The following MSANTD3 variants were observed in gnomAD, a reference collection of about 807,000 sequenced individuals.
MSANTD3 encodes the protein Myb/SANT DNA binding domain containing 3.
Under a neutral mutation model 27.7 loss-of-function variants are expected in MSANTD3, and 11 were observed. The observed-to-expected ratio is 0.40, with a 90% CI of 0.25 to 0.66. The LOEUF is 0.66. MSANTD3 is among the 30% of genes least tolerant of loss of function. MSANTD3 has a pLI of 0.41. For missense variants in MSANTD3, 250 were observed against 336.5 expected (o/e 0.74, Z 2.01); for synonymous variants, 131 against 127.2 (o/e 1.03, Z -0.20).
intron 1 of MSANTD3, among the ~76,000 whole-genome samples, chr9:100,427,913 G>A (rs1177803969): frequency 1.3e-5 from 2 of 152,018 alleles, no homozygotes; most frequent in Admixed American, 6.5e-5. Context: ...ACTCCGAGCC[G>A]GGGCTACTGT....
chr9:100,439,434 T>A (rs1001893581), intron 1 of MSANTD3, among the ~76,000 whole-genome samples: 3 of 152,220 alleles, frequency 2.0e-5, no homozygotes, highest in African/African-American at 7.2e-5. Flanking sequence ...AATCCTTGTG[T>A]ACATATGACC....
intron 2 of MSANTD3, among the ~76,000 whole-genome samples, chr9:100,449,686 G>A (rs1166181658): frequency 6.6e-6 from 1 of 152,158 alleles, no homozygotes; most frequent in Non-Finnish European, 1.5e-5. Context: ...AGTCAGACAA[G>A]AAAGAAAGGA....
chr9:100,429,199 G>T (rs144846828), intron 1 of MSANTD3, among the ~76,000 whole-genome samples: 2 of 152,204 alleles, frequency 1.3e-5, no homozygotes, highest in Admixed American at 1.3e-4. Flanking sequence ...GCAGAGAGTA[G>T]GTGGGTACGT....
In MSANTD3 at chr9:100,451,242, GTGT is replaced by G. The variant is rs368450083; in HGVS notation, c.*290_*292del. 1,548 of 316,318 alleles carry G rather than the reference GTGT, an allele frequency of 4.9e-3. 4 individuals are homozygous for G. Among genetic ancestry groups the G allele is most frequent in the Admixed American group, 8.7e-3 (194 of 22,318 alleles). 19.6% of individuals were successfully genotyped at this position (316,318 alleles called of 1,614,324 possible). On this transcript the variant is annotated 3_prime_UTR_variant, in exon 3 of 3. Transcript: ENST00000395067. ...GAATTCATACAAGAACCACGTGTGAGTGTTGTTGTTGTTGTTTTTTTTTTTAAT... is the reference window on the plus strand; with the variant it reads ...GAATTCATACAAGAACCACGTGTGAGTGTTGTTGTTGTTTTTTTTTTTAAT...
At chr9:100,442,543 G>A (rs78976536) in intron 2 of MSANTD3, among the ~76,000 whole-genome samples, 187 bp downstream of exon 2, 21,466 of 151,902 alleles carry the variant, frequency 0.14, 1,762 homozygotes, top group Middle Eastern at 0.2. Context: ...GTGGTGGCTC[G>A]TGCCTGTAAT....
Position 100,450,706 on chromosome 9 carries a change from G to A in MSANTD3, c.568G>A (p.Glu190Lys). The change falls in exon 3 of 3, where the codon GAA becomes AAA. Residue 190 changes from glutamate (E) to lysine (K), a missense_variant. Physicochemically the swap from Glu to Lys is moderately conservative, Grantham distance 56 (BLOSUM62 1). Coordinates refer to ENST00000395067, the MANE Select transcript of MSANTD3 (RefSeq NM_080655.3). ...AAACTACAGGAGCAAAACCTCTCAG[G>A]AAGGTGCTTTAAAAAAGATGCATGA... ...NKNYRSKTSQEGALKKMHEEE... is the reference protein window; with the variant it reads ...NKNYRSKTSQKGALKKMHEEE... The A allele has an allele frequency of 6.2e-7, 1 of 1,614,128 alleles. No individual in the cohort carries two copies. The highest frequency in any genetic ancestry group is 8.5e-7 in the Non-Finnish European group (1 of 1,180,024).
chr9:100,450,864 A>G lies in MSANTD3; in HGVS notation c.726A>G (p.Glu242=). Residue 242 remains glutamate (E), a synonymous_variant, in exon 3 of 3, where the codon GAA becomes GAG. Coordinates refer to ENST00000395067, the MANE Select transcript of MSANTD3 (RefSeq NM_080655.3). ...MAEEEHRIKM[E]VLNKKKMYWE... is the part of the protein sequence containing the mutation. The stretch of plus-strand genomic sequence containing the variant: ...AGGAGGAACACAGGATAAAAATGGA[A>G]GTTCTCAATAAAAAGAAGATGTATT... 6.2e-7 allele frequency: 1 copy of G among 1,614,136 alleles called. No homozygotes were observed. Among genetic ancestry groups the G allele is most frequent in the Non-Finnish European group, 8.5e-7 (1 of 1,180,020 alleles).
At chr9:100,450,407 G>A (rs1329294739) in intron 2 of MSANTD3, 150 bp from the exon 3 acceptor site, 1 of 592,004 alleles carries the variant, frequency 1.7e-6, no homozygotes, top group East Asian at 3.2e-5. Flanking sequence ...GTCAGGTGTG[G>A]CTAGGGTCCC....
chr9:100,450,806 T>C lies in MSANTD3; in HGVS notation c.668T>C (p.Ile223Thr). 6.2e-7 allele frequency: 1 copy of C among 1,613,990 alleles called. No homozygotes were observed. The highest frequency in any genetic ancestry group is 2.2e-5 in the East Asian group (1 of 44,868). Residue 223 changes from isoleucine (I) to threonine (T), a missense_variant, in exon 3 of 3, where the codon ATC becomes ACC. Transcript: ENST00000395067. Reference sequence around the variant, plus strand: ...ATGAATGAGGTGCATGTGGCCAAAATCCAGCAGATAGAGCGAGAGTGTGAG... The same window carrying C: ...ATGAATGAGGTGCATGTGGCCAAAACCCAGCAGATAGAGCGAGAGTGTGAG... ...IQMNEVHVAK[I>T]QQIERECEMA...
chr9:100,436,096 CA>C (rs1256021756), intron 1 of MSANTD3, among the ~76,000 whole-genome samples: 2 of 152,160 alleles, frequency 1.3e-5, no homozygotes, highest in Non-Finnish European at 2.9e-5. Flanking sequence ...ACTTCTGTTG[CA>C]TCTGGATTTT....
At chr9:100,437,675 C>T (rs1466723191) in intron 1 of MSANTD3, among the ~76,000 whole-genome samples, 2 of 152,164 alleles carry the variant, frequency 1.3e-5, no homozygotes, top group Non-Finnish European at 2.9e-5. Context: ...ATTTACTTAG[C>T]TAGTGATTAA....
intron 1 of MSANTD3, among the ~76,000 whole-genome samples, chr9:100,430,619 G>A (rs975935588): frequency 6.6e-6 from 1 of 152,218 alleles, no homozygotes; most frequent in African/African-American, 2.4e-5. Context: ...TTGTGTGGAA[G>A]AGGGTATGGA....
intron 2 of MSANTD3, among the ~76,000 whole-genome samples, chr9:100,442,693 C>T (rs1836656721): frequency 6.6e-6 from 1 of 151,416 alleles, no homozygotes; most frequent in Non-Finnish European, 1.5e-5. Flanking sequence ...CCTGTAGTTC[C>T]AGCTACTCGG....
chr9:100,434,970 T>C (rs201031415), intron 1 of MSANTD3, among the ~76,000 whole-genome samples: 1 of 150,216 alleles, frequency 6.7e-6, no homozygotes, highest in Non-Finnish European at 1.5e-5. Flanking sequence ...ACACACACCA[T>C]ACACACACAC....
chr9:100,448,151 A>G lies in MSANTD3; in HGVS notation c.419-2406A>G, dbSNP rs1836799697. The G allele has an allele frequency of 3.3e-6, 3 of 920,590 alleles. No individual in the cohort carries two copies. The South Asian group carries it at 1.5e-4, about 47-fold the overall frequency. 57.0% of individuals were successfully genotyped at this position (920,590 alleles called of 1,614,324 possible). On this transcript the variant is annotated intron_variant, in intron 2 of 2. Coordinates refer to ENST00000395067, the MANE Select transcript of MSANTD3 (RefSeq NM_080655.3). ...GATGGCAGTGAGCTGAGATCACGCCACTGCCCTCCAGCCTGGGTGACAGAA... is the reference window on the plus strand; with the variant it reads ...GATGGCAGTGAGCTGAGATCACGCCGCTGCCCTCCAGCCTGGGTGACAGAA...
intron 1 of MSANTD3, among the ~76,000 whole-genome samples, chr9:100,434,315 G>A (rs933424566): frequency 1.3e-5 from 2 of 152,144 alleles, no homozygotes; most frequent in Non-Finnish European, 2.9e-5. Flanking sequence ...ATCACCTGAG[G>A]TCAGGAGTTT....
At chr9:100,443,394 CAT>C (rs1564250677) in intron 2 of MSANTD3, among the ~76,000 whole-genome samples, 1 of 144,380 alleles carries the variant, frequency 6.9e-6, no homozygotes. Flanking sequence ...AGCAAAACTC[CAT>C]CTCAAAAAAA....
At chr9:100,433,377 T>C (rs544898127) in intron 1 of MSANTD3, among the ~76,000 whole-genome samples, 2 of 152,202 alleles carry the variant, frequency 1.3e-5, no homozygotes, top group South Asian at 4.2e-4. Context: ...TATACTACCT[T>C]TTTTTTCTTG....
intron 1 of MSANTD3, among the ~76,000 whole-genome samples, chr9:100,432,989 C>T (rs570848839): frequency 6.6e-5 from 10 of 152,190 alleles, no homozygotes; most frequent in Non-Finnish European, 1.3e-4. Context: ...GTAAAGAAGA[C>T]GTGCCAAGAC....
Sources: gnomAD v4.1 joint callset for allele counts (sites outside exome capture counted in the v4.1 genomes callset) on GRCh38, gnomAD v4.1.1 for gene constraint, MANE v1.5 for transcripts, NCBI Gene and HGNC (gene_info 2026-07-23, HGNC 2026-07-21) for gene names.